The following OTOGL variants were observed in gnomAD, a reference collection of about 807,000 sequenced individuals.
The protein encoded by OTOGL is otogelin-like protein.
A neutral mutation model predicts 318.5 loss-of-function variants in OTOGL; 285 were observed. That is an observed-to-expected ratio of 0.89 (90% CI 0.81 to 0.99). OTOGL has a LOEUF of 0.99. OTOGL is among the 50% of genes least tolerant of loss of function. The probability of loss-of-function intolerance (pLI) is 0.00; values close to 1 mark genes in which losing one functional copy is unlikely to be tolerated. For synonymous variants in OTOGL, 987 were observed against 936.5 expected (o/e 1.05, Z -0.99); for missense variants, 2,899 against 2,845.6 (o/e 1.02, Z -0.43).
intron 1 of OTOGL, among the ~76,000 whole-genome samples, chr12:80,111,844 G>A (rs1032714064): frequency 2.6e-5 from 4 of 152,134 alleles, no homozygotes; most frequent in Admixed American, 2.6e-4. Flanking sequence ...GGGCAGTATG[G>A]CCATTTTCAC....
intron 11 of OTOGL, among the ~76,000 whole-genome samples, chr12:80,243,510 A>G (rs1424845995): frequency 1.3e-5 from 2 of 151,388 alleles, no homozygotes; most frequent in African/African-American, 2.4e-5. Flanking sequence ...TTGAAACATT[A>G]AAAAAAAGGT....
intron 1 of OTOGL, among the ~76,000 whole-genome samples, chr12:80,167,551 T>A (rs1310777120): frequency 6.6e-6 from 1 of 152,172 alleles, no homozygotes; most frequent in African/African-American, 2.4e-5. Flanking sequence ...GGTAATATAA[T>A]CTTATAATTA....
intron 1 of OTOGL, among the ~76,000 whole-genome samples, chr12:80,176,771 T>C (rs775783796): frequency 1.8e-4 from 28 of 152,132 alleles, no homozygotes; most frequent in Non-Finnish European, 2.9e-4. Context: ...ATAGAATCAT[T>C]GGGTCATATA....
chr12:80,273,236 A>G (rs1272043955), intron 24 of OTOGL, among the ~76,000 whole-genome samples: 1 of 152,096 alleles, frequency 6.6e-6, no homozygotes, highest in Admixed American at 6.6e-5. Flanking sequence ...TATTTTATTA[A>G]GATAGCCTTC....
At chr12:80,101,332 G>C (rs755168884) in intron 1 of OTOGL, among the ~76,000 whole-genome samples, 1 of 152,048 alleles carries the variant, frequency 6.6e-6, no homozygotes, top group Non-Finnish European at 1.5e-5. Flanking sequence ...CAGTTTTTTA[G>C]TACAAAGAAT....
At chr12:80,100,439 A>G (rs1342837258) in intron 1 of OTOGL, among the ~76,000 whole-genome samples, 1 of 152,170 alleles carries the variant, frequency 6.6e-6, no homozygotes, top group Non-Finnish European at 1.5e-5. Flanking sequence ...TATGTACCCC[A>G]TAAATATGTA....
At position 80,368,226 on chromosome 12, in the gene OTOGL, C is replaced by G; in HGVS notation, c.6532C>G (p.Pro2178Ala). ...CDVHQVYTPS[P>A]SDYGCCGTCK... ...GCAGCACCAGGTATATACTCCATCC[C>G]CAAGTGATTATGGTTGTTGTGGTAC... Residue 2178 changes from proline to alanine, a missense_variant, in exon 55 of 59, where the codon CCA (proline) becomes GCA (alanine). Around this residue, in one of 3 missense-constraint regions of OTOGL, gnomAD observed 289 missense variants for 304.6 expected, o/e 0.95. Coordinates refer to ENST00000547103, the MANE Select transcript of OTOGL (RefSeq NM_001378609.3). 6.2e-7 allele frequency: 1 copy of G among 1,601,276 alleles called. No homozygotes were observed. Among genetic ancestry groups the G allele is most frequent in the Non-Finnish European group, 8.5e-7 (1 of 1,172,434 alleles).
intron 46 of OTOGL, among the ~76,000 whole-genome samples, chr12:80,355,254 A>C: frequency 8.1e-6 from 1 of 123,094 alleles, no homozygotes; most frequent in Admixed American, 1.0e-4. Flanking sequence ...TTTTTGAGAC[A>C]GGATCTACTC....
chr12:80,307,890 T>G (rs1592687055), intron 29 of OTOGL, among the ~76,000 whole-genome samples: 3 of 108,350 alleles, frequency 2.8e-5, no homozygotes, highest in Non-Finnish European at 3.6e-5. Context: ...CCTCCCTCCC[T>G]CCCGGACGGG....
intron 1 of OTOGL, among the ~76,000 whole-genome samples, chr12:80,149,422 C>T (rs1048439989): frequency 3.9e-5 from 6 of 152,164 alleles, no homozygotes; most frequent in Non-Finnish European, 7.3e-5. Flanking sequence ...GCAGTCTGCC[C>T]GTTCTCAGAT....
chr12:80,264,576 C>G (rs979523757), intron 19 of OTOGL, among the ~76,000 whole-genome samples: 23 of 152,134 alleles, frequency 1.5e-4, no homozygotes, highest in African/African-American at 5.6e-4. Flanking sequence ...GAGATCATTC[C>G]CAATTCTTCC....
intron 1 of OTOGL, among the ~76,000 whole-genome samples, chr12:80,199,921 AG>A (rs1876340887): frequency 6.6e-6 from 1 of 152,196 alleles, no homozygotes; most frequent in Non-Finnish European, 1.5e-5. Context: ...GTTGAAACAT[AG>A]GGCTTTGTAT....
chr12:80,213,673 G>A (rs552555671), intron 4 of OTOGL, among the ~76,000 whole-genome samples: 1 of 152,286 alleles, frequency 6.6e-6, no homozygotes, highest in African/African-American at 2.4e-5. Flanking sequence ...CCATTTAGAT[G>A]TTTTCAGCAT....
intron 27 of OTOGL, among the ~76,000 whole-genome samples, chr12:80,299,374 T>C (rs1270821882): frequency 6.6e-6 from 1 of 152,228 alleles, no homozygotes; most frequent in Non-Finnish European, 1.5e-5. Context: ...ATAAAGACAG[T>C]ATGACACATC....
At chr12:80,183,091 T>C (rs1048734095) in intron 1 of OTOGL, among the ~76,000 whole-genome samples, 2 of 152,218 alleles carry the variant, frequency 1.3e-5, no homozygotes, top group Non-Finnish European at 2.9e-5. Context: ...AAATATATAA[T>C]GCTTACAATA....
At chr12:80,256,643 C>A (rs747352611) in intron 17 of OTOGL, among the ~76,000 whole-genome samples, 183 bp downstream of exon 17, 8 of 151,972 alleles carry the variant, frequency 5.3e-5, no homozygotes, top group Non-Finnish European at 8.8e-5. Context: ...GTTTATGGGA[C>A]CTAGTGATTA....
At chr12:80,153,711 C>T (rs1370745251) in intron 1 of OTOGL, among the ~76,000 whole-genome samples, 3 of 152,134 alleles carry the variant, frequency 2.0e-5, no homozygotes, top group Non-Finnish European at 2.9e-5. Context: ...CTCTGCATCC[C>T]TCCTCTATAC....
intron 24 of OTOGL, among the ~76,000 whole-genome samples, chr12:80,275,016 T>C (rs1041246680): frequency 1.3e-5 from 2 of 151,970 alleles, no homozygotes; most frequent in Admixed American, 1.3e-4. Flanking sequence ...CAGAAGGATA[T>C]ATTAATGTTG....
At chr12:80,173,370 T>G (rs1038194059) in intron 1 of OTOGL, among the ~76,000 whole-genome samples, 1 of 152,140 alleles carries the variant, frequency 6.6e-6, no homozygotes, top group Non-Finnish European at 1.5e-5. Flanking sequence ...GAAATGAGGG[T>G]TCCTCCCTTT....
Sources: allele counts gnomAD v4.1 joint callset (sites outside exome capture counted in the v4.1 genomes callset), GRCh38; gene constraint gnomAD v4.1.1; regional missense constraint gnomAD v4.1.1; transcripts MANE v1.5; gene names NCBI Gene and HGNC (gene_info 2026-07-23, HGNC 2026-07-21).